PDE7B: variants seen among roughly 807,000 people sequenced by gnomAD.
The protein encoded by PDE7B is phosphodiesterase 7B.
PDE7B carries 29 observed loss-of-function variants against 56.2 expected under a neutral mutation model. The ratio of observed to expected loss-of-function variants is 0.52; its 90% CI spans 0.38 to 0.70. The LOEUF (loss-of-function observed/expected upper bound fraction) is 0.70. Among genes scored for constraint, PDE7B ranks in the 30% least tolerant of loss-of-function variants. The pLI, the probability that PDE7B is intolerant of heterozygous loss-of-function variation, is 0.00. For synonymous variants in PDE7B, 197 were observed against 196.9 expected (o/e 1.00, Z 0.00); for missense variants, 490 against 565.0 (o/e 0.87, Z 1.35).
intron 2 of PDE7B, among the ~76,000 whole-genome samples, chr6:136,054,803 C>G (rs1776700461): frequency 6.6e-6 from 1 of 152,054 alleles, no homozygotes; most frequent in South Asian, 2.1e-4. Context: ...GCCTCACAAT[C>G]GTGGTGGAAG....
At chr6:135,952,837 T>C (rs1280813609) in intron 2 of PDE7B, among the ~76,000 whole-genome samples, 1 of 152,144 alleles carries the variant, frequency 6.6e-6, no homozygotes, top group African/African-American at 2.4e-5. Context: ...TCATTGGCCC[T>C]AAAAAGGACA....
chr6:136,000,860 C>T (rs1011870385), intron 2 of PDE7B, among the ~76,000 whole-genome samples: 41 of 152,040 alleles, frequency 2.7e-4, no homozygotes, highest in African/African-American at 3.4e-4. Flanking sequence ...TGTCCCAGCA[C>T]GCAGCTGGAG....
intron 2 of PDE7B, among the ~76,000 whole-genome samples, chr6:136,005,854 A>G (rs553362583): frequency 3.0e-4 from 46 of 152,162 alleles, no homozygotes; most frequent in African/African-American, 9.9e-4. Context: ...CCCATTACTG[A>G]GTATATACCC....
At chr6:136,069,667 C>G (rs1777011861) in intron 2 of PDE7B, among the ~76,000 whole-genome samples, 1 of 152,108 alleles carries the variant, frequency 6.6e-6, no homozygotes, top group African/African-American at 2.4e-5. Flanking sequence ...TTTTTAAACA[C>G]TTAGTTCTAT....
intron 1 of PDE7B, among the ~76,000 whole-genome samples, chr6:135,912,507 G>A (rs1349263704): frequency 2.0e-5 from 3 of 152,034 alleles, no homozygotes; most frequent in Non-Finnish European, 4.4e-5. Flanking sequence ...CAGGGGTTCT[G>A]GAACAAATCC....
intron 1 of PDE7B, among the ~76,000 whole-genome samples, chr6:135,943,564 G>A (rs1774542817): frequency 1.3e-5 from 2 of 152,208 alleles, no homozygotes; most frequent in African/African-American, 2.4e-5. Flanking sequence ...CATCATTGGA[G>A]AAGAGTATTC....
intron 1 of PDE7B, among the ~76,000 whole-genome samples, chr6:135,898,082 A>G (rs552931810): frequency 1.3e-5 from 2 of 152,366 alleles, no homozygotes; most frequent in East Asian, 3.9e-4. Context: ...GAACTATGTC[A>G]CATGGTCACT....
At position 135,961,142 on chromosome 6, in the gene PDE7B, C is replaced by G. The variant is rs1053662656; in HGVS notation, c.82+13618C>G. Among the ~76,000 whole-genome samples the G allele has an allele frequency of 3.3e-5, 5 of 152,228 alleles. No homozygotes were observed. In the East Asian group the frequency reaches 9.7e-4, roughly 29 times the overall value. On this transcript the variant is annotated intron_variant, in intron 2 of 12. Coordinates refer to ENST00000308191, the MANE Select transcript of PDE7B (RefSeq NM_018945.4). Reference sequence around the variant, plus strand: ...TTCACAGAAAGAGATTGCCGATTACCACTATAGTGTCTAAATATTCTTATA... The same window carrying G: ...TTCACAGAAAGAGATTGCCGATTACGACTATAGTGTCTAAATATTCTTATA...
chr6:135,934,023 G>T (rs1443690099), intron 1 of PDE7B, among the ~76,000 whole-genome samples: 1 of 151,982 alleles, frequency 6.6e-6, no homozygotes, highest in East Asian at 1.9e-4. Context: ...TACCTCTGTT[G>T]GTACTCACCT....
intron 3 of PDE7B, among the ~76,000 whole-genome samples, chr6:136,118,800 A>AGAT (rs1777880241): frequency 6.6e-6 from 1 of 152,164 alleles, no homozygotes; most frequent in South Asian, 2.1e-4. Context: ...TAGTACATTT[A>AGAT]GATTATTTCC....
At chr6:136,028,819 C>G (rs920944258) in intron 2 of PDE7B, among the ~76,000 whole-genome samples, 1 of 152,236 alleles carries the variant, frequency 6.6e-6, no homozygotes, top group Admixed American at 6.5e-5. Flanking sequence ...ACTTCATCTA[C>G]TACCTTAATC....
At chr6:135,976,687 A>G (rs1775192299) in intron 2 of PDE7B, among the ~76,000 whole-genome samples, 1 of 152,086 alleles carries the variant, frequency 6.6e-6, no homozygotes, top group Non-Finnish European at 1.5e-5. Flanking sequence ...AGGCCCTGTG[A>G]TATCCCTTTG....
Position 136,143,166 on chromosome 6 carries a change from C to G in PDE7B, c.167-4185C>G, listed in dbSNP as rs370006344. ...GCCTGGTGGTGACAAAATCTCTCAGCATTTGCTTGTCTGTAAAGTATTTAA... is the reference window on the plus strand; with the variant it reads ...GCCTGGTGGTGACAAAATCTCTCAGGATTTGCTTGTCTGTAAAGTATTTAA... On this transcript the variant is annotated intron_variant, in intron 3 of 12. Coordinates refer to ENST00000308191, the MANE Select transcript of PDE7B (RefSeq NM_018945.4). Among the ~76,000 whole-genome samples, 7 of 152,082 alleles carry G rather than the reference C, an allele frequency of 4.6e-5. 2 individuals carry two copies. The East Asian group carries it at 1.4e-3, about 29-fold the overall frequency.
chr6:135,860,813 T>C (rs1775131085), intron 1 of PDE7B, among the ~76,000 whole-genome samples: 1 of 151,930 alleles, frequency 6.6e-6, no homozygotes, highest in Non-Finnish European at 1.5e-5. Context: ...TTGTTGGTGC[T>C]TTAAACATTT....
chr6:135,961,792 C>A (rs990550907), intron 2 of PDE7B, among the ~76,000 whole-genome samples: 1 of 151,956 alleles, frequency 6.6e-6, no homozygotes, highest in African/African-American at 2.4e-5. Flanking sequence ...TCTTTCTCAA[C>A]AAAATATACA....
At chr6:136,161,848 T>C (rs965438136) in intron 8 of PDE7B, among the ~76,000 whole-genome samples, 9 of 152,206 alleles carry the variant, frequency 5.9e-5, no homozygotes, top group Non-Finnish European at 1.2e-4. Flanking sequence ...CCCCATACCA[T>C]GGCACAAAGA....
At chr6:136,000,909 T>G (rs2128206078) in intron 2 of PDE7B, among the ~76,000 whole-genome samples, 1 of 152,308 alleles carries the variant, frequency 6.6e-6, no homozygotes, top group South Asian at 2.1e-4. Context: ...AGTGGGTCCC[T>G]GACCCCTGAC....
At chr6:136,003,632 C>T (rs1277298549) in intron 2 of PDE7B, among the ~76,000 whole-genome samples, 1 of 152,158 alleles carries the variant, frequency 6.6e-6, no homozygotes. Flanking sequence ...GACACATACA[C>T]CCTCCCAAGA....
intron 2 of PDE7B, among the ~76,000 whole-genome samples, chr6:136,023,467 GTCCCATA>G (rs1776104050): frequency 6.6e-6 from 1 of 152,136 alleles, no homozygotes; most frequent in Non-Finnish European, 1.5e-5. Flanking sequence ...GTTGTCCCCA[GTCCCATA>G]TCACATTAAC....
Sources: gnomAD v4.1 joint callset for allele counts (sites outside exome capture counted in the v4.1 genomes callset) on GRCh38, gnomAD v4.1.1 for gene constraint, MANE v1.5 for transcripts, NCBI Gene and HGNC (gene_info 2026-07-23, HGNC 2026-07-21) for gene names.